The following PLSCR2 variants were observed in gnomAD, a reference collection of about 807,000 sequenced individuals.
PLSCR2 encodes PL scramblase 2.
Under a neutral mutation model 25.3 loss-of-function variants are expected in PLSCR2, and 18 were observed. That is an observed-to-expected ratio of 0.71 (90% CI 0.49 to 1.06). PLSCR2 has a LOEUF of 1.06. Ranked by LOEUF, PLSCR2 falls within the 50% of genes least tolerant of loss-of-function variation. PLSCR2 has a pLI of 0.00. For missense variants in PLSCR2, 243 were observed against 269.5 expected (o/e 0.90, Z 0.69); for synonymous variants, 88 against 87.3 (o/e 1.01, Z -0.04).
At chr3:146,435,341 T>G (rs920953178) in intron 8 of PLSCR2, among the ~76,000 whole-genome samples, 1 of 152,172 alleles carries the variant, frequency 6.6e-6, no homozygotes, top group Non-Finnish European at 1.5e-5. Flanking sequence ...CTTGAGGAAT[T>G]GCCACACTGT....
At chr3:146,426,045 C>T (rs1405746012) in intron 2 of PLSCR2, among the ~76,000 whole-genome samples, 1 of 152,172 alleles carries the variant, frequency 6.6e-6, no homozygotes, top group Non-Finnish European at 1.5e-5. Context: ...AAATTGTTGT[C>T]ATAATGATTG....
At chr3:146,485,477 C>G (rs1165642641) in intron 1 of PLSCR2, among the ~76,000 whole-genome samples, 4 of 152,118 alleles carry the variant, frequency 2.6e-5, no homozygotes, top group Admixed American at 2.6e-4. Context: ...GAACTCTCCA[C>G]CCCAAGGCAA....
chr3:146,439,494 A>G (rs1035570162), downstream of PLSCR2, among the ~76,000 whole-genome samples: 12 of 151,838 alleles, frequency 7.9e-5, no homozygotes, highest in Admixed American at 7.2e-4. Context: ...TTTTTCTCTA[A>G]ACTTCTCTTC....
downstream of PLSCR2, among the ~76,000 whole-genome samples, chr3:146,430,679 G>T (rs2039514762): frequency 1.3e-5 from 2 of 152,096 alleles, no homozygotes; most frequent in African/African-American, 2.4e-5. Context: ...GTGATTTTCT[G>T]CAATTTAACT....
intron 2 of PLSCR2, among the ~76,000 whole-genome samples, chr3:146,424,508 A>C (rs1365443448): frequency 6.6e-6 from 1 of 152,112 alleles, no homozygotes; most frequent in African/African-American, 2.4e-5. Flanking sequence ...TGTTTTATTT[A>C]AAGCCATGAA....
intron 1 of PLSCR2, among the ~76,000 whole-genome samples, chr3:146,476,333 A>G: frequency 6.6e-6 from 1 of 152,184 alleles, no homozygotes; most frequent in East Asian, 1.9e-4. Flanking sequence ...GGAGGCGCTG[A>G]GTGTTCATGC....
At chr3:146,461,520 G>A (rs2041571783), upstream of PLSCR2, among the ~76,000 whole-genome samples, 1 of 152,056 alleles carries the variant, frequency 6.6e-6, no homozygotes, top group Non-Finnish European at 1.5e-5. Flanking sequence ...ACTTCATATT[G>A]GTATGATGGG....
chr3:146,463,954 T>C (rs1471325605), upstream of PLSCR2: 1 of 983,694 alleles, frequency 1.0e-6, no homozygotes, highest in Admixed American at 6.1e-5. Flanking sequence ...ACTCAAGAAG[T>C]TCAGCAAAGG....
At chr3:146,422,095 T>C (rs2039173134) in intron 2 of PLSCR2, among the ~76,000 whole-genome samples, 2 of 152,080 alleles carry the variant, frequency 1.3e-5, no homozygotes, top group Admixed American at 1.3e-4. Flanking sequence ...TAATCTTCTA[T>C]TGGCATCAGG....
chr3:146,439,124 G>C (rs1421313450), downstream of PLSCR2, among the ~76,000 whole-genome samples: 1 of 152,188 alleles, frequency 6.6e-6, no homozygotes, highest in Non-Finnish European at 1.5e-5. Flanking sequence ...CTGGCTTGTA[G>C]AGTTTCTGCC....
At chr3:146,485,502 T>C (rs371324764) in intron 1 of PLSCR2, among the ~76,000 whole-genome samples, 45 of 152,272 alleles carry the variant, frequency 3.0e-4, no homozygotes, top group East Asian at 1.5e-3. Flanking sequence ...ATATTCATTC[T>C]TCTTAGTGCC....
chr3:146,418,344 C>T (rs1046041656), intron 2 of PLSCR2, among the ~76,000 whole-genome samples: 1 of 152,132 alleles, frequency 6.6e-6, no homozygotes, highest in African/African-American at 2.4e-5. Flanking sequence ...TAAACCTCAT[C>T]AGCTGAAACA....
chr3:146,440,212 C>A (rs548743228), downstream of PLSCR2, among the ~76,000 whole-genome samples: 14 of 152,148 alleles, frequency 9.2e-5, no homozygotes, highest in Admixed American at 1.3e-4. Context: ...AGTTGGGCTA[C>A]GCAGGGGTCA....
chr3:146,444,510 C>T (rs1407307785), intron 6 of PLSCR2, among the ~76,000 whole-genome samples: 7 of 151,808 alleles, frequency 4.6e-5, no homozygotes, highest in Non-Finnish European at 8.8e-5. Context: ...TGTATCATTA[C>T]ATAATGACTT....
At chr3:146,414,863 A>C (rs1422113036) in intron 2 of PLSCR2, among the ~76,000 whole-genome samples, 1 of 152,204 alleles carries the variant, frequency 6.6e-6, no homozygotes, top group African/African-American at 2.4e-5. Flanking sequence ...TTCAAGTGTT[A>C]TACCTATGTT....
chr3:146,443,330 G>C (rs958044502), intron 6 of PLSCR2, among the ~76,000 whole-genome samples: 3 of 151,960 alleles, frequency 2.0e-5, no homozygotes, highest in Non-Finnish European at 4.4e-5. Flanking sequence ...TCAGTAGCTT[G>C]AGTAGGATTG....
chr3:146,453,343 A>C (rs550226647), intron 5 of PLSCR2, among the ~76,000 whole-genome samples: 30 of 152,234 alleles, frequency 2.0e-4, no homozygotes, highest in African/African-American at 6.3e-4. Flanking sequence ...ATCAAGATTA[A>C]GTTATAAAAC....
At chr3:146,421,331 A>G (rs982604170) in intron 2 of PLSCR2, among the ~76,000 whole-genome samples, 1 of 151,990 alleles carries the variant, frequency 6.6e-6, no homozygotes. Context: ...ATATTCTACA[A>G]AAGAGAGCAG....
chr3:146,452,742 T>C (rs768799155), intron 5 of PLSCR2, among the ~76,000 whole-genome samples: 5 of 152,094 alleles, frequency 3.3e-5, no homozygotes, highest in Non-Finnish European at 5.9e-5. Flanking sequence ...ATAAATTATA[T>C]TCCAATTAGA....
Sources: gnomAD v4.1 joint callset for allele counts (sites outside exome capture counted in the v4.1 genomes callset) on GRCh38, gnomAD v4.1.1 for gene constraint, MANE v1.5 for transcripts, NCBI Gene and HGNC (gene_info 2026-07-23, HGNC 2026-07-21) for gene names.